Variants in NPR2 observed in about 807,000 individuals in gnomAD.
NPR2 encodes atrial natriuretic peptide receptor 2.
NPR2 carries 49 observed loss-of-function variants against 120.7 expected under a neutral mutation model. That is an observed-to-expected ratio of 0.41 (90% CI 0.32 to 0.52). NPR2 has a LOEUF of 0.52. NPR2 is among the 20% of genes least tolerant of loss of function. The pLI, the probability that NPR2 is intolerant of heterozygous loss-of-function variation, is 0.36. For synonymous variants in NPR2, 484 were observed against 519.8 expected (o/e 0.93, Z 0.94); for missense variants, 931 against 1,362.9 (o/e 0.68, Z 4.99).
rs1490117942 is a variant in NPR2, at chr9:35,807,055, C to G, written c.2552C>G (p.Thr851Ser). 6.2e-7 allele frequency: 1 copy of G among 1,613,816 alleles called. No homozygotes were observed. Among genetic ancestry groups the G allele is most frequent in the Non-Finnish European group, 8.5e-7 (1 of 1,179,898 alleles). Residue 851 changes from threonine (T) to serine (S), a missense_variant, in exon 17 of 22, where the codon ACT becomes AGT. Transcript: ENST00000342694. ...SVAEQLKRGE[T>S]VQAEAFDSVT... is the part of the protein sequence containing the mutation. The stretch of plus-strand genomic sequence containing the variant: ...GCAGAGCAGTTAAAACGGGGAGAGA[C>G]TGTACAGGCTGAGGCCTTTGACAGT...
In NPR2 at chr9:35,809,729, T is replaced by A; in HGVS notation, c.*284T>A. 1.5e-6 allele frequency: 2 copies of A among 1,330,250 alleles called. No homozygotes were observed. The highest frequency in any genetic ancestry group is 2.1e-6 in the Non-Finnish European group (2 of 944,844). The allele number at this position is 1,330,250 out of a possible 1,614,324, so 82.4% of individuals were successfully genotyped here. A position where few individuals can be genotyped will look rare whatever the true frequency, so the allele number is the denominator to read the frequency against. ...AACAATAATAAAAAAAGTTCTGATG[T>A]CATAGTGTGGGATAGGGGCAATCCC... On this transcript the variant is annotated 3_prime_UTR_variant, in exon 22 of 22. Transcript: ENST00000342694. The surrounding 1 kb of genome is among the most constrained non-coding windows in gnomAD (Gnocchi z 4.1).
Position 35,800,549 on chromosome 9 carries a change from G to T in NPR2, c.1218+66G>T. 3.2e-6 allele frequency: 5 copies of T among 1,562,272 alleles called. No homozygotes were observed. Among genetic ancestry groups the T allele is most frequent in the Non-Finnish European group, 3.5e-6 (4 of 1,133,714 alleles). The stretch of plus-strand genomic sequence containing the variant: ...AAATCCAGCTTTCAAGGGTTCAGTC[G>T]GGGCAGAACCAAAACTACTAGATGA... On this transcript the variant is annotated intron_variant, in intron 5 of 21. Transcript: ENST00000342694. The surrounding 1 kb of genome is among the most constrained non-coding windows in gnomAD (Gnocchi z 4.7).
chr9:35,804,649 A>T (rs1419904039), intron 12 of NPR2, among the ~76,000 whole-genome samples: 1 of 152,234 alleles, frequency 6.6e-6, no homozygotes, highest in Admixed American at 6.5e-5. Flanking sequence ...TTCCAGGTTT[A>T]TGATGTTCTG....
rs771373457 is a variant in NPR2, at chr9:35,808,833, G to A, written c.2966G>A (p.Arg989Gln). Residue 989 changes from arginine (R) to glutamine (Q), a missense_variant, in exon 20 of 22, where the codon CGA becomes CAA. This residue lies in a region of NPR2 where 184 missense variants were observed against 328.3 expected (regional missense o/e 0.56). Transcript: ENST00000342694. The surrounding 1 kb of genome is among the most constrained non-coding windows in gnomAD (Gnocchi z 4.0). ...LFGDTVNTAS[R>Q]MESNGQALKI... ...GGAGACACAGTGAACACTGCTTCTCGAATGGAGTCTAATGGTCAAGGTAAG... is the reference window on the plus strand; with the variant it reads ...GGAGACACAGTGAACACTGCTTCTCAAATGGAGTCTAATGGTCAAGGTAAG... The A allele has an allele frequency of 1.9e-6, 3 of 1,606,366 alleles. No individual in the cohort carries two copies. The highest frequency in any genetic ancestry group is 2.6e-6 in the Non-Finnish European group (3 of 1,173,040).
chr9:35,800,178 G>C lies in NPR2; in HGVS notation c.1123+21G>C. On this transcript the variant is annotated intron_variant, in intron 4 of 21. Transcript: ENST00000342694. The surrounding 1 kb of genome is among the most constrained non-coding windows in gnomAD (Gnocchi z 4.7). The stretch of plus-strand genomic sequence containing the variant: ...TCACGGTAATGAAGAGGGGTCAATG[G>C]GGGTCTGAGGGCTGATGTCAGGAAT... 2 of 1,606,568 alleles carry C rather than the reference G, an allele frequency of 1.2e-6. No individual in the cohort carries two copies. The highest frequency in any genetic ancestry group is 1.1e-5 in the South Asian group (1 of 90,912).
Position 35,793,065 on chromosome 9 carries a change from C to T in NPR2, c.657C>T (p.Ala219=), listed in dbSNP as rs1213532931. 6.3e-7 allele frequency: 1 copy of T among 1,596,356 alleles called. No individual in the cohort carries two copies. Among genetic ancestry groups the T allele is most frequent in the Non-Finnish European group, 8.5e-7 (1 of 1,173,220 alleles). The change falls in exon 1 of 22, where the codon GCC becomes GCT. Residue 219 remains alanine (A), a synonymous_variant. Transcript: ENST00000342694. ...AGCAGGCCACCCACTTCATCCGGGCCAACGGGCGCAGTGAGTGTGGCCTGG... is the reference window on the plus strand; with the variant it reads ...AGCAGGCCACCCACTTCATCCGGGCTAACGGGCGCAGTGAGTGTGGCCTGG... The part of the protein sequence containing the change: ...GPEQATHFIR[A]NGRIVYICGP...
Position 35,806,661 on chromosome 9 carries a change from C to G in NPR2, c.2519+123C>G. The G allele has an allele frequency of 9.6e-7, 1 of 1,040,924 alleles. No homozygotes were observed. The allele number at this position is 1,040,924 out of a possible 1,614,324, so 64.5% of individuals were successfully genotyped here. ...AACCCTGCTGGCCACAGGGAGCACC[C>G]CTGCTTATAGATTATTTGCTGTCAT... On this transcript the variant is annotated intron_variant, in intron 16 of 21. Coordinates refer to ENST00000342694, the MANE Select transcript of NPR2 (RefSeq NM_003995.4). This position sits in a 1 kb window ranked among gnomAD's most constrained non-coding sequence, Gnocchi z 4.6.
At chr9:35,799,017 T>C (rs1477881692) in intron 2 of NPR2, among the ~76,000 whole-genome samples, 2 of 152,222 alleles carry the variant, frequency 1.3e-5, no homozygotes, top group African/African-American at 4.8e-5. Flanking sequence ...AGCACACAGC[T>C]TTTCACAGGT....
Position 35,792,293 on chromosome 9 carries a change from ACTC to A in NPR2, c.-109_-107del, listed in dbSNP as rs936336736. On this transcript the variant is annotated 5_prime_UTR_variant, in exon 1 of 22. Transcript: ENST00000342694. ...TTCTGCATCCCAGCCTACCTAGCCT[ACTC>A]CTCCTCTTCCTGGCCCTCTTCCCCA... The A allele has an allele frequency of 3.5e-5, 39 of 1,099,712 alleles. 1 individual carries two copies. The highest frequency in any genetic ancestry group is 4.8e-5 in the Non-Finnish European group (38 of 787,030). 68.1% of individuals were successfully genotyped at this position (1,099,712 alleles called of 1,614,324 possible).
In NPR2 at chr9:35,801,091, T is replaced by C. The variant is rs756087597; in HGVS notation, c.1373T>C (p.Ile458Thr). ...CDKTPLSTLA[I>T]VALGTGITFI... is the part of the protein sequence containing the mutation. ...TCAGCTCCACTTTCAACCCTGGCAA[T>C]TGTGGCTCTGGGCACAGGAATCACC... The change falls in exon 7 of 22, where the codon ATT becomes ACT. Residue 458 changes from isoleucine (I) to threonine (T), a missense_variant. Ile to Thr is a moderately conservative substitution (Grantham distance 89, BLOSUM62 -1). Around this residue, in one of 3 missense-constraint regions of NPR2, gnomAD observed 681 missense variants for 974.3 expected, o/e 0.70. Transcript: ENST00000342694. 1.3e-5 allele frequency: 21 copies of C among 1,614,032 alleles called. No homozygotes were observed. The highest frequency in any genetic ancestry group is 1.7e-5 in the Non-Finnish European group (20 of 1,179,996).
rs1167652421 is a variant in NPR2, at chr9:35,804,295, T to TAGGTCAC, written c.1888-1215_1888-1209dup. Reference sequence around the variant, plus strand: ...GTCACCCAGGCTAGAGTGTAGTGGCTAGGTCACTGCTCACTGCAGCTTCGA... The same window carrying TAGGTCAC: ...GTCACCCAGGCTAGAGTGTAGTGGCTAGGTCACAGGTCACTGCTCACTGCAGCTTCGA... On this transcript the variant is annotated intron_variant, in intron 12 of 21. Transcript: ENST00000342694. Among the ~76,000 whole-genome samples, 7 of 151,590 alleles carry TAGGTCAC rather than the reference T, an allele frequency of 4.6e-5. No individual in the cohort carries two copies. In the East Asian group the frequency reaches 1.4e-3, roughly 29 times the overall value.
chr9:35,807,935 G>C, intron 18 of NPR2: 1 of 526,146 alleles, frequency 1.9e-6, no homozygotes, highest in Non-Finnish European at 3.4e-6. Flanking sequence ...TAATAGATTC[G>C]TTGTATGGAA....
At position 35,800,480 on chromosome 9, in the gene NPR2, T is replaced by C. The variant is rs974678534; in HGVS notation, c.1215T>C (p.Phe405=). ...WAMGDLDSGD[F]QPAAHYSGAE... ...TGGGAGACCTGGATTCTGGGGACTTTCAGGTGATGGAGGAGGAGGCAGGGA... is the reference window on the plus strand; with the variant it reads ...TGGGAGACCTGGATTCTGGGGACTTCCAGGTGATGGAGGAGGAGGCAGGGA... The change falls in exon 5 of 22, where the codon TTT becomes TTC. Residue 405 remains phenylalanine (F), a synonymous_variant. Transcript: ENST00000342694. The surrounding 1 kb of genome is among the most constrained non-coding windows in gnomAD (Gnocchi z 4.7). 4 of 1,612,280 alleles carry C rather than the reference T, an allele frequency of 2.5e-6. No individual in the cohort carries two copies. The highest frequency in any genetic ancestry group is 3.4e-6 in the Non-Finnish European group (4 of 1,178,486).
rs1204671832 is a variant in NPR2, at chr9:35,802,255, C to A, written c.1682C>A (p.Thr561Asn). The A allele has an allele frequency of 5.6e-6, 9 of 1,605,734 alleles. 1 individual carries two copies. Among genetic ancestry groups the A allele is most frequent in the African/African-American group, 5.4e-5 (4 of 74,764 alleles). ...GTGAATAAGAAGCGCATTGAGCTGA[C>A]CCGGCAGGTTCTGTTTGAACTCAAA... ...KHVNKKRIEL[T>N]RQVLFELKHM... Residue 561 changes from threonine (T) to asparagine (N), a missense_variant, in exon 10 of 22, where the codon ACC becomes AAC. Thr to Asn is a moderately conservative substitution (Grantham distance 65). Transcript: ENST00000342694. This position sits in a 1 kb window ranked among gnomAD's most constrained non-coding sequence, Gnocchi z 4.2.
At position 35,792,351 on chromosome 9, in the gene NPR2, C is replaced by G; in HGVS notation, c.-58C>G. The G allele has an allele frequency of 5.7e-6, 9 of 1,568,562 alleles. No homozygotes were observed. Among genetic ancestry groups the G allele is most frequent in the Non-Finnish European group, 7.8e-6 (9 of 1,157,856 alleles). On this transcript the variant is annotated 5_prime_UTR_variant, in exon 1 of 22. Coordinates refer to ENST00000342694, the MANE Select transcript of NPR2 (RefSeq NM_003995.4). ...CCAGGCTGGGGGGTGCTCGCGTCTC[C>G]CCTGTAGGCCAGAGCAGCCCCAAGT...
Position 35,806,202 on chromosome 9 carries a change from C to G in NPR2, c.2341C>G (p.Gln781Glu). Residue 781 changes from glutamine to glutamate, a missense_variant, in exon 15 of 22, where the codon CAG (glutamine) becomes GAG (glutamate). Physicochemically the swap from Gln to Glu is conservative, Grantham distance 29 (BLOSUM62 2). This residue lies in a region of NPR2 where 66 missense variants were observed against 60.3 expected (regional missense o/e 1.09). Transcript: ENST00000342694. This position sits in a 1 kb window ranked among gnomAD's most constrained non-coding sequence, Gnocchi z 4.6. ...CCCAGCTGAGCGGCCAGACTTTGGACAGATTAAGGGCTTCATTCGGCGCTT... is the reference window on the plus strand; with the variant it reads ...CCCAGCTGAGCGGCCAGACTTTGGAGAGATTAAGGGCTTCATTCGGCGCTT... The part of the protein sequence containing the change: ...QDPAERPDFG[Q>E]IKGFIRRFNK... 1.2e-6 allele frequency: 2 copies of G among 1,614,210 alleles called. No homozygotes were observed. Among genetic ancestry groups the G allele is most frequent in the South Asian group, 1.1e-5 (1 of 91,084 alleles).
rs1189292326 is a variant in NPR2 at position 35,792,314 on chromosome 9, C to T, written c.-95C>T. 7.3e-7 allele frequency: 1 copy of T among 1,366,544 alleles called. No homozygotes were observed. Among genetic ancestry groups the T allele is most frequent in the East Asian group, 2.5e-5 (1 of 40,496 alleles). The allele number at this position is 1,366,544 out of a possible 1,614,324, so 84.7% of individuals were successfully genotyped here. A position where few individuals can be genotyped will look rare whatever the true frequency, so the allele number is the denominator to read the frequency against. On this transcript the variant is annotated 5_prime_UTR_variant, in exon 1 of 22. Transcript: ENST00000342694. ...GCCTACTCCTCCTCTTCCTGGCCCT[C>T]TTCCCCAGGCTCCAGGCTGGGGGGT...
At chr9:35,801,793 C>A in intron 8 of NPR2, 30 bp downstream of exon 8, 1 of 1,614,080 alleles carries the variant, frequency 6.2e-7, no homozygotes, top group Non-Finnish European at 8.5e-7. Flanking sequence ...GTTCCTCTGC[C>A]TCCCTCTGAG....
At chr9:35,799,406 G>A (rs1455280023) in intron 2 of NPR2, among the ~76,000 whole-genome samples, 1 of 149,496 alleles carries the variant, frequency 6.7e-6, no homozygotes, top group East Asian at 2.0e-4. Flanking sequence ...CTTCCCAGAT[G>A]TATGCAACAC....
Sources: allele counts gnomAD v4.1 joint callset (sites outside exome capture counted in the v4.1 genomes callset), GRCh38; gene constraint gnomAD v4.1.1; regional missense constraint gnomAD v4.1.1; non-coding constraint Gnocchi (gnomAD v3.1); transcripts MANE v1.5; gene names NCBI Gene and HGNC (gene_info 2026-07-23, HGNC 2026-07-21).